The following IL1R1 variants were observed in gnomAD, a reference collection of about 807,000 sequenced individuals.
IL1R1 encodes interleukin 1 receptor type 1.
A neutral mutation model predicts 50.2 loss-of-function variants in IL1R1; 22 were observed. The ratio of observed to expected loss-of-function variants is 0.44; its 90% confidence interval spans 0.31 to 0.63. The LOEUF is 0.63. Among genes scored for constraint, IL1R1 ranks in the 20% least tolerant of loss-of-function variants. The pLI is 0.07. For synonymous variants in IL1R1, 251 were observed against 236.7 expected (o/e 1.06, Z -0.55); for missense variants, 509 against 676.2 (o/e 0.75, Z 2.74).
chr2:102,103,138 A>G (rs1405263056), upstream of IL1R1, among the ~76,000 whole-genome samples: 1 of 152,048 alleles, frequency 6.6e-6, no homozygotes, highest in Non-Finnish European at 1.5e-5. Context: ...AGTACCCCTG[A>G]AACTAAAATA....
chr2:102,172,307 G>A, intron 8 of IL1R1: 1 of 985,162 alleles, frequency 1.0e-6, no homozygotes, highest in Non-Finnish European at 1.2e-6. Context: ...GCTCATCTAT[G>A]GGACAAGGAT....
At position 102,176,510 on chromosome 2, in the gene IL1R1, G is replaced by C; in HGVS notation, c.1461G>C (p.Leu487=). ...ALVQDGIKVV[L]LELEKIQDYE... Reference sequence around the variant, plus strand: ...TTCAGGATGGAATTAAAGTTGTCCTGCTTGAGCTGGAGAAAATCCAAGACT... The same window carrying C: ...TTCAGGATGGAATTAAAGTTGTCCTCCTTGAGCTGGAGAAAATCCAAGACT... Residue 487 remains leucine (L), a synonymous_variant, in exon 12 of 12, where the codon CTG becomes CTC. Transcript: ENST00000410023. 1 of 1,614,180 alleles carries C rather than the reference G, an allele frequency of 6.2e-7. No individual in the cohort carries two copies. Among genetic ancestry groups the C allele is most frequent in the East Asian group, 2.2e-5 (1 of 44,878 alleles).
At chr2:102,071,719 A>G (rs1167982551) in intron 1 of IL1R1, among the ~76,000 whole-genome samples, 1 of 152,098 alleles carries the variant, frequency 6.6e-6, no homozygotes, top group Non-Finnish European at 1.5e-5. Flanking sequence ...TGGTGGCAAA[A>G]TGGTTTTTGT....
chr2:102,164,964 T>C lies in IL1R1; in HGVS notation c.252T>C (p.Val84=), dbSNP rs1286832817. Residue 84 remains valine, a synonymous_variant, in exon 4 of 12, where the codon GTT becomes GTC. Transcript: ENST00000410023. ...AACACAAAGAGAAACTTTGGTTTGT[T>C]CCTGCTAAGGTGGAGGATTCAGGAC... ...IHQHKEKLWF[V]PAKVEDSGHY... 6.2e-7 allele frequency: 1 copy of C among 1,614,016 alleles called. No individual in the cohort carries two copies. Among genetic ancestry groups the C allele is most frequent in the Non-Finnish European group, 8.5e-7 (1 of 1,179,996 alleles).
chr2:102,129,360 T>A (rs962907731), intron 1 of IL1R1, among the ~76,000 whole-genome samples: 2 of 152,196 alleles, frequency 1.3e-5, no homozygotes, highest in South Asian at 2.1e-4. Flanking sequence ...AAGCATTAAA[T>A]GTGATGTCCT....
chr2:102,158,921 G>T (rs1304749325), intron 3 of IL1R1, among the ~76,000 whole-genome samples: 2 of 152,204 alleles, frequency 1.3e-5, no homozygotes, highest in African/African-American at 4.8e-5. Flanking sequence ...TCAAAGGGTG[G>T]CAAGGAGAAG....
At chr2:102,111,720 C>T (rs974741366) in intron 1 of IL1R1, among the ~76,000 whole-genome samples, 2 of 152,172 alleles carry the variant, frequency 1.3e-5, no homozygotes, top group Admixed American at 6.5e-5. Context: ...CCTCTAGGTT[C>T]TGGACCAGAA....
At chr2:102,100,034 C>A (rs2104334176), upstream of IL1R1, among the ~76,000 whole-genome samples, 1 of 152,274 alleles carries the variant, frequency 6.6e-6, no homozygotes, top group East Asian at 1.9e-4. Context: ...CTGCACCTCC[C>A]AGCTCCCTCC....
At chr2:102,166,813 T>G (rs929507290) in intron 6 of IL1R1, among the ~76,000 whole-genome samples, 3 of 152,216 alleles carry the variant, frequency 2.0e-5, no homozygotes, top group African/African-American at 7.2e-5. Flanking sequence ...ATTAGAGATA[T>G]GGGGTACACG....
chr2:102,076,335 G>A (rs762234345), intron 1 of IL1R1, among the ~76,000 whole-genome samples: 1 of 151,954 alleles, frequency 6.6e-6, no homozygotes, highest in Non-Finnish European at 1.5e-5. Flanking sequence ...CTGCCACCAT[G>A]CCTGGTTAAT....
At chr2:102,159,721 T>C (rs945253033) in intron 3 of IL1R1, among the ~76,000 whole-genome samples, 2 of 152,182 alleles carry the variant, frequency 1.3e-5, no homozygotes, top group African/African-American at 4.8e-5. Flanking sequence ...GACCTGCCAG[T>C]CAAGTCAAAG....
upstream of IL1R1, among the ~76,000 whole-genome samples, chr2:102,102,016 G>T (rs923810283): frequency 2.6e-5 from 4 of 152,180 alleles, no homozygotes; most frequent in African/African-American, 9.7e-5. Context: ...GTTCACACAG[G>T]TTAACTAAAC....
chr2:102,124,708 A>G (rs967509595), intron 1 of IL1R1, among the ~76,000 whole-genome samples: 1 of 152,086 alleles, frequency 6.6e-6, no homozygotes, highest in African/African-American at 2.4e-5. Context: ...ACTTAAGGTC[A>G]GGAGTTTGGG....
intron 1 of IL1R1, among the ~76,000 whole-genome samples, chr2:102,074,249 C>A (rs1340806826): frequency 6.6e-6 from 1 of 152,194 alleles, no homozygotes; most frequent in East Asian, 1.9e-4. Context: ...GTTCTGTGGG[C>A]AGTTCTGCTC....
chr2:102,083,236 A>G (rs1679291690), intron 1 of IL1R1, among the ~76,000 whole-genome samples: 1 of 152,200 alleles, frequency 6.6e-6, no homozygotes, highest in South Asian at 2.1e-4. Context: ...ACTTCAGAGG[A>G]CACTTTCTTT....
At chr2:102,141,153 T>C (rs1461498240), upstream of IL1R1, among the ~76,000 whole-genome samples, 1 of 152,248 alleles carries the variant, frequency 6.6e-6, no homozygotes, top group Non-Finnish European at 1.5e-5. Flanking sequence ...AACTGCCATT[T>C]GGACACGTGG....
chr2:102,174,564 C>T, intron 9 of IL1R1, 23 bp from the exon 10 acceptor site: 1 of 1,490,202 alleles, frequency 6.7e-7, no homozygotes, highest in Non-Finnish European at 9.0e-7. Context: ...ATTTTTTCTC[C>T]TTTTTTTTTC....
chr2:102,155,867 C>T (rs1261888128), intron 2 of IL1R1, among the ~76,000 whole-genome samples: 1 of 152,202 alleles, frequency 6.6e-6, no homozygotes, highest in Non-Finnish European at 1.5e-5. Flanking sequence ...AGGCCACCGG[C>T]CCTGGACCTG....
chr2:102,128,304 A>G (rs1681837292), intron 1 of IL1R1, among the ~76,000 whole-genome samples: 1 of 152,212 alleles, frequency 6.6e-6, no homozygotes, highest in African/African-American at 2.4e-5. Context: ...TTATTTGCAT[A>G]GTAGAAATAC....
Sources: gnomAD v4.1 joint callset for allele counts (sites outside exome capture counted in the v4.1 genomes callset) on GRCh38, gnomAD v4.1.1 for gene constraint, MANE v1.5 for transcripts, NCBI Gene and HGNC (gene_info 2026-07-23, HGNC 2026-07-21) for gene names.